Variants in SERPINB9 observed in about 807,000 individuals in gnomAD.
SERPINB9 encodes the protein serpin family B member 9.
In SERPINB9, 20 loss-of-function variants were observed where a neutral mutation model predicts 27.2. That is an observed-to-expected ratio of 0.74 (90% CI 0.52 to 1.07). The LOEUF is 1.07. Among genes scored for constraint, SERPINB9 ranks in the 50% least tolerant of loss-of-function variants. The pLI, the probability that SERPINB9 is intolerant of heterozygous loss-of-function variation, is 0.00. For missense variants in SERPINB9, 476 were observed against 460.1 expected, an observed-to-expected ratio of 1.03 and a Z score of -0.32; for synonymous variants, 189 against 180.0, an observed-to-expected ratio of 1.05 and a Z score of -0.40.
intron 5 of SERPINB9, 82 bp downstream of exon 5, chr6:2,893,329 T>C (rs1767888877): frequency 5.0e-6 from 7 of 1,407,854 alleles, no homozygotes; most frequent in Non-Finnish European, 5.8e-6. Flanking sequence ...CTTACGCTTA[T>C]GTCACTTACA....
At chr6:2,899,135 T>G (rs1768106596) in intron 2 of SERPINB9, among the ~76,000 whole-genome samples, 1 of 152,162 alleles carries the variant, frequency 6.6e-6, no homozygotes, top group Admixed American at 6.5e-5. Context: ...CAGACAATTT[T>G]GGTGCTCTCA....
chr6:2,900,523 C>A lies in SERPINB9; in HGVS notation c.89G>T (p.Cys30Phe). 1 of 1,614,094 alleles carries A rather than the reference C, an allele frequency of 6.2e-7. No homozygotes were observed. The highest frequency in any genetic ancestry group is 8.5e-7 in the Non-Finnish European group (1 of 1,180,034). The change falls in exon 2 of 7, where the codon TGT becomes TTT. Residue 30 changes from cysteine (C) to phenylalanine (F), a missense_variant. Coordinates refer to ENST00000380698, the MANE Select transcript of SERPINB9 (RefSeq NM_004155.6). ...GGCAGAGGAGATGCTCACAGGAGAA[C>A]AGAACACGTTGTGCGAAGGGTTATC... ...CQDNPSHNVF[C>F]SPVSISSALA... is the part of the protein sequence containing the mutation.
chr6:2,900,803 A>G (rs1768171632), intron 1 of SERPINB9, among the ~76,000 whole-genome samples, 182 bp from the exon 2 acceptor site: 1 of 152,104 alleles, frequency 6.6e-6, no homozygotes, highest in South Asian at 2.1e-4. Context: ...GCAAATGTTA[A>G]GGTAATTAGC....
intron 2 of SERPINB9, among the ~76,000 whole-genome samples, chr6:2,897,178 C>A (rs917401164): frequency 6.9e-6 from 1 of 144,942 alleles, no homozygotes; most frequent in African/African-American, 2.6e-5. Flanking sequence ...TTAAAATATT[C>A]TTCTAGGCTG....
chr6:2,898,674 C>T (rs757676277), intron 2 of SERPINB9, among the ~76,000 whole-genome samples: 9 of 151,826 alleles, frequency 5.9e-5, no homozygotes, highest in Non-Finnish European at 1.3e-4. Context: ...ATTAGCTGGG[C>T]GTGGGGGCGG....
intron 1 of SERPINB9, among the ~76,000 whole-genome samples, chr6:2,901,370 A>G (rs1768196727): frequency 6.6e-6 from 1 of 152,188 alleles, no homozygotes; most frequent in Non-Finnish European, 1.5e-5. Context: ...TTTGTTTTTA[A>G]TGTGCTTCCT....
chr6:2,894,940 C>T lies in SERPINB9; in HGVS notation c.424+451G>A, dbSNP rs7450723. 6.1e-4 allele frequency among the ~76,000 whole-genome samples: 27 copies of T among 44,000 alleles called. 1 individual carries two copies. Among genetic ancestry groups the T allele is most frequent in the Middle Eastern group, 0.011 (1 of 94 alleles). 28.9% of individuals were successfully genotyped at this position (44,000 alleles called of 152,430 possible). On this transcript the variant is annotated intron_variant, in intron 4 of 6. Coordinates refer to ENST00000380698, the MANE Select transcript of SERPINB9 (RefSeq NM_004155.6). This position sits in a 1 kb window ranked among gnomAD's most constrained non-coding sequence, Gnocchi z 4.7. ...TTGTATTTTTAGTAGAGATGTTGGG[C>T]GGGGGGGGGTCCCACCATGTTGGTC...
chr6:2,890,239 T>C lies in SERPINB9; in HGVS notation c.1055A>G (p.Asp352Gly). ...CMESGPRFCA[D>G]HPFLFFIRHN... is the part of the protein sequence containing the mutation. ...CCTGATGAAGAAAAGGAAAGGGTGG[T>C]CAGCACAGAACCTGGGGCCAGATTC... Residue 352 changes from aspartate (D) to glycine (G), a missense_variant, in exon 7 of 7, where the codon GAC becomes GGC. By Grantham distance (94) the Asp-to-Gly change is moderately conservative (BLOSUM62 -1). Coordinates refer to ENST00000380698, the MANE Select transcript of SERPINB9 (RefSeq NM_004155.6). The surrounding 1 kb of genome is among the most constrained non-coding windows in gnomAD (Gnocchi z 6.2). 1 of 1,614,212 alleles carries C rather than the reference T, an allele frequency of 6.2e-7. No homozygotes were observed. The highest frequency in any genetic ancestry group is 8.5e-7 in the Non-Finnish European group (1 of 1,180,040).
chr6:2,890,303 C>A lies in SERPINB9; in HGVS notation c.991G>T (p.Ala331Ser). The A allele has an allele frequency of 1.2e-6, 2 of 1,614,238 alleles. No individual in the cohort carries two copies. Among genetic ancestry groups the A allele is most frequent in the Non-Finnish European group, 1.7e-6 (2 of 1,180,040 alleles). Residue 331 changes from alanine (A) to serine (S), a missense_variant, in exon 7 of 7, where the codon GCA becomes TCA. Coordinates refer to ENST00000380698, the MANE Select transcript of SERPINB9 (RefSeq NM_004155.6). This position sits in a 1 kb window ranked among gnomAD's most constrained non-coding sequence, Gnocchi z 6.2. ...EVNEEGTEAA[A>S]ASSCFVVAEC... The stretch of plus-strand genomic sequence containing the variant: ...GCAACTACAAAGCAGCTCGACGCTG[C>A]CGCTGCCTCGGTGCCTTCTTCATTC...
rs116138554 is a variant in SERPINB9 at position 2,891,050 on chromosome 6, G to T, written c.724-480C>A. On this transcript the variant is annotated intron_variant, in intron 6 of 6. Transcript: ENST00000380698. This position sits in a 1 kb window ranked among gnomAD's most constrained non-coding sequence, Gnocchi z 4.0. ...ACCAGAGGATTATCTGCCCCAGAGA[G>T]ATTCTGCATAGTTTCCGGAGCATAG... 7.3e-3 allele frequency among the ~76,000 whole-genome samples: 1,116 copies of T among 152,336 alleles called. 14 individuals are homozygous for T. Among genetic ancestry groups the T allele is most frequent in the African/African-American group, 0.025 (1,050 of 41,568 alleles).
Position 2,890,683 on chromosome 6 carries a change from G to A in SERPINB9, c.724-113C>T. The A allele has an allele frequency of 2.0e-6, 2 of 1,005,778 alleles. No homozygotes were observed. Among genetic ancestry groups the A allele is most frequent in the Non-Finnish European group, 2.9e-6 (2 of 680,058 alleles). The allele number at this position is 1,005,778 out of a possible 1,614,324, so 62.3% of individuals were successfully genotyped here. On this transcript the variant is annotated intron_variant, in intron 6 of 6. Coordinates refer to ENST00000380698, the MANE Select transcript of SERPINB9 (RefSeq NM_004155.6). The surrounding 1 kb of genome is among the most constrained non-coding windows in gnomAD (Gnocchi z 6.2). ...CACGTAGGTGTTGTTTGTTCACATA[G>A]GATCAGTGGCCCCTTCATCTGCCAG...
intron 2 of SERPINB9, among the ~76,000 whole-genome samples, chr6:2,896,995 G>A (rs908542739): frequency 6.6e-6 from 1 of 151,830 alleles, no homozygotes; most frequent in African/African-American, 2.4e-5. Context: ...GCATGATGGT[G>A]TGTGCCTGTG....
At position 2,887,577 on chromosome 6, in the gene SERPINB9, TG is replaced by T. The variant is rs1191939329; in HGVS notation, c.*2585del. ...GATACTGAACTAGGGCTGGGCTCAG[TG>T]GCTTATGCCTGTAATCCTAGCACTT... On this transcript the variant is annotated 3_prime_UTR_variant, in exon 7 of 7. Transcript: ENST00000380698. 6.6e-6 allele frequency: 1 copy of T among 152,182 alleles called. No homozygotes were observed. Among genetic ancestry groups the T allele is most frequent in the Non-Finnish European group, 1.5e-5 (1 of 68,044 alleles). 9.4% of individuals were successfully genotyped at this position (152,182 alleles called of 1,614,324 possible).
At position 2,900,555 on chromosome 6, in the gene SERPINB9, C is replaced by T. The variant is rs1581201566; in HGVS notation, c.57G>A (p.Leu19=). The change falls in exon 2 of 7, where the codon CTG becomes CTA. Residue 19 remains leucine (L), a synonymous_variant. Coordinates refer to ENST00000380698, the MANE Select transcript of SERPINB9 (RefSeq NM_004155.6). ...CGTTGTGCGAAGGGTTATCTTGACACAGTATCTTTAAAAGGCGTATGGCAA... is the reference window on the plus strand; with the variant it reads ...CGTTGTGCGAAGGGTTATCTTGACATAGTATCTTTAAAAGGCGTATGGCAA... ...GTFAIRLLKI[L]CQDNPSHNVF... is the part of the protein sequence containing the mutation. 2 of 1,614,088 alleles carry T rather than the reference C, an allele frequency of 1.2e-6. No homozygotes were observed. The highest frequency in any genetic ancestry group is 1.3e-5 in the African/African-American group (1 of 74,998).
chr6:2,897,123 CAAA>C (rs761775676), intron 2 of SERPINB9, among the ~76,000 whole-genome samples: 2 of 68,990 alleles, frequency 2.9e-5, no homozygotes, highest in Admixed American at 1.7e-4. Context: ...AAGACCATGT[CAAA>C]AAAAAAAAAA....
intron 2 of SERPINB9, among the ~76,000 whole-genome samples, chr6:2,899,379 C>T (rs745342750): frequency 7.9e-5 from 12 of 152,198 alleles, no homozygotes; most frequent in Non-Finnish European, 1.6e-4. Context: ...GCACAAAGGC[C>T]ATCACAGCCT....
At chr6:2,895,694 C>T (rs995665615) in intron 3 of SERPINB9, among the ~76,000 whole-genome samples, 186 bp from the exon 4 acceptor site, 2 of 151,634 alleles carry the variant, frequency 1.3e-5, no homozygotes, top group African/African-American at 4.9e-5. Context: ...CCCTGAATAA[C>T]CAGAAATGAA....
chr6:2,901,149 G>A (rs1468620093), intron 1 of SERPINB9, among the ~76,000 whole-genome samples: 2 of 152,198 alleles, frequency 1.3e-5, no homozygotes, highest in African/African-American at 2.4e-5. Context: ...GTGAGGCAAG[G>A]AGCTGTCATC....
In SERPINB9 at chr6:2,890,001, T is replaced by C; in HGVS notation, c.*162A>G. The C allele has an allele frequency of 1.7e-6, 1 of 581,644 alleles. No homozygotes were observed. Among genetic ancestry groups the C allele is most frequent in the East Asian group, 2.8e-5 (1 of 35,962 alleles). 36.0% of individuals were successfully genotyped at this position (581,644 alleles called of 1,614,324 possible). A position where few individuals can be genotyped will look rare whatever the true frequency, so the allele number is the denominator to read the frequency against. ...TCTGATTAAGTAGCATAAGCGAGTGTGGAGCATCATGAATTCATGCTGGCA... is the reference window on the plus strand; with the variant it reads ...TCTGATTAAGTAGCATAAGCGAGTGCGGAGCATCATGAATTCATGCTGGCA... On this transcript the variant is annotated 3_prime_UTR_variant, in exon 7 of 7. Coordinates refer to ENST00000380698, the MANE Select transcript of SERPINB9 (RefSeq NM_004155.6). The surrounding 1 kb of genome is among the most constrained non-coding windows in gnomAD (Gnocchi z 6.2).
Sources: allele counts gnomAD v4.1 joint callset (sites outside exome capture counted in the v4.1 genomes callset), GRCh38; gene constraint gnomAD v4.1.1; non-coding constraint Gnocchi (gnomAD v3.1); transcripts MANE v1.5; gene names NCBI Gene and HGNC (gene_info 2026-07-23, HGNC 2026-07-21).